Variants in SRGAP3 observed in about 807,000 individuals in gnomAD.
SRGAP3 encodes SLIT-ROBO Rho GTPase-activating protein 3.
SRGAP3 carries 39 observed loss-of-function variants against 121.1 expected under a neutral mutation model. The ratio of observed to expected loss-of-function variants is 0.32; its 90% CI spans 0.25 to 0.42. The LOEUF is 0.42. Among genes scored for constraint, SRGAP3 ranks in the 10% least tolerant of loss-of-function variants. SRGAP3 has a pLI of 1.00. For synonymous variants in SRGAP3, 601 were observed against 570.0 expected, an observed-to-expected ratio of 1.05 and a Z score of -0.77; for missense variants, 1,213 against 1,470.6, an observed-to-expected ratio of 0.82 and a Z score of 2.86.
chr3:9,360,679 A>G (rs1018451146), intron 1 of SRGAP3, among the ~76,000 whole-genome samples: 1 of 152,226 alleles, frequency 6.6e-6, no homozygotes, highest in Non-Finnish European at 1.5e-5. Flanking sequence ...GAATGGGAGA[A>G]GCGGAAGTGG....
chr3:9,134,527 C>T (rs547957356), intron 1 of SRGAP3, among the ~76,000 whole-genome samples: 8 of 152,220 alleles, frequency 5.3e-5, no homozygotes, highest in South Asian at 2.1e-4. Context: ...TCCTCTTCTA[C>T]GGATGAAGCA....
intron 1 of SRGAP3, among the ~76,000 whole-genome samples, chr3:9,234,688 C>A (rs1953341244): frequency 6.6e-6 from 1 of 152,176 alleles, no homozygotes; most frequent in Non-Finnish European, 1.5e-5. Flanking sequence ...AAAATGCTCT[C>A]ACCAGCAATC....
rs542417489 is a variant in SRGAP3 at position 9,072,960 on chromosome 3, C to T, written c.486+7065G>A. 1.4e-4 allele frequency among the ~76,000 whole-genome samples: 21 copies of T among 152,302 alleles called. 1 individual carries two copies. The South Asian group carries it at 2.1e-3, about 15-fold the overall frequency. ...ACATCAGGAGGAAAAAACAGTCGTG[C>T]CCACACATCTTCAAAGCTTCTCGCC... is the stretch of plus-strand genomic sequence containing the variant. On this transcript the variant is annotated intron_variant, in intron 4 of 21. Coordinates refer to ENST00000383836, the MANE Select transcript of SRGAP3 (RefSeq NM_014850.4).
At chr3:9,307,122 G>T (rs940860538) in intron 3 of SRGAP3, among the ~76,000 whole-genome samples, 5 of 152,164 alleles carry the variant, frequency 3.3e-5, no homozygotes, top group African/African-American at 4.8e-5. Flanking sequence ...AGAGGCACGT[G>T]CCATCACGCC....
At chr3:8,997,680 C>T (rs1384763848) in intron 18 of SRGAP3, among the ~76,000 whole-genome samples, 4 of 152,140 alleles carry the variant, frequency 2.6e-5, no homozygotes, top group Non-Finnish European at 5.9e-5. Context: ...ATTTTTTAAA[C>T]ACAAAGTAAA....
At chr3:9,176,024 C>T (rs1044835794) in intron 1 of SRGAP3, among the ~76,000 whole-genome samples, 7 of 152,168 alleles carry the variant, frequency 4.6e-5, no homozygotes, top group Non-Finnish European at 1.0e-4. Flanking sequence ...TGGGTTCAAG[C>T]GATTCTCCCA....
intron 3 of SRGAP3, among the ~76,000 whole-genome samples, chr3:9,102,645 C>T (rs1948263610): frequency 6.6e-6 from 1 of 152,244 alleles, no homozygotes; most frequent in South Asian, 2.1e-4. Context: ...GTCCGCGCCT[C>T]TCTCCAAAGC....
intron 2 of SRGAP3, among the ~76,000 whole-genome samples, chr3:9,108,770 G>A (rs1317615420): frequency 6.6e-6 from 1 of 152,178 alleles, no homozygotes; most frequent in Non-Finnish European, 1.5e-5. Flanking sequence ...TGGATGAGCA[G>A]GGATATGGGG....
chr3:9,257,133 T>C (rs1467156246), intron 3 of SRGAP3: 1 of 329,482 alleles, frequency 3.0e-6, no homozygotes, highest in African/African-American at 2.1e-5. Flanking sequence ...CACAAAATAA[T>C]TTACACCTTA....
At chr3:9,137,782 G>A (rs978778428) in intron 1 of SRGAP3, among the ~76,000 whole-genome samples, 4 of 152,144 alleles carry the variant, frequency 2.6e-5, no homozygotes, top group African/African-American at 9.6e-5. Context: ...CATCTGTGCT[G>A]TGTCCAAATA....
At chr3:9,242,528 G>A (rs562405471) in intron 1 of SRGAP3, among the ~76,000 whole-genome samples, 11 of 152,080 alleles carry the variant, frequency 7.2e-5, no homozygotes, top group South Asian at 2.1e-4. Flanking sequence ...CCAGCTACTC[G>A]GTAGGCTGAG....
chr3:9,135,753 G>A (rs1176127324), intron 1 of SRGAP3, among the ~76,000 whole-genome samples: 1 of 152,246 alleles, frequency 6.6e-6, no homozygotes, highest in African/African-American at 2.4e-5. Context: ...TCTATACAGA[G>A]GTGGCATGGC....
intron 1 of SRGAP3, among the ~76,000 whole-genome samples, chr3:9,165,937 A>G (rs1320393077): frequency 6.6e-6 from 1 of 152,184 alleles, no homozygotes; most frequent in African/African-American, 2.4e-5. Flanking sequence ...ATATGTGATT[A>G]TCTGATTAAT....
intron 3 of SRGAP3, among the ~76,000 whole-genome samples, chr3:9,286,594 TTTGTCGTTGTTGTTG>T (rs1559260374): frequency 6.6e-6 from 1 of 152,178 alleles, no homozygotes; most frequent in African/African-American, 2.4e-5. Context: ...TTATTTTGTT[TTTGTCGTTGTTGTTG>T]TTGTTGTTTT....
At chr3:9,050,477 G>A (rs1001858525) in intron 9 of SRGAP3, among the ~76,000 whole-genome samples, 8 of 152,180 alleles carry the variant, frequency 5.3e-5, no homozygotes, top group Admixed American at 1.3e-4. Flanking sequence ...ACGAATGTCC[G>A]CAAAATAAAG....
At chr3:9,321,671 T>C (rs1955440559) in intron 3 of SRGAP3, among the ~76,000 whole-genome samples, 1 of 151,868 alleles carries the variant, frequency 6.6e-6, no homozygotes, top group Admixed American at 6.5e-5. Context: ...ATCATGTCTT[T>C]TACGGGAACA....
chr3:9,104,085 C>T (rs1286046728), intron 3 of SRGAP3, among the ~76,000 whole-genome samples: 1 of 152,060 alleles, frequency 6.6e-6, no homozygotes, highest in Non-Finnish European at 1.5e-5. Flanking sequence ...AAATAGAGTA[C>T]ATCTATATAA....
At chr3:9,044,619 A>C (rs1391625895) in intron 10 of SRGAP3, among the ~76,000 whole-genome samples, 1 of 152,258 alleles carries the variant, frequency 6.6e-6, no homozygotes, top group Non-Finnish European at 1.5e-5. Context: ...TGTACTTTAC[A>C]GAAACTGAGG....
intron 1 of SRGAP3, among the ~76,000 whole-genome samples, chr3:9,199,538 G>A (rs1418018313): frequency 6.6e-6 from 1 of 152,074 alleles, no homozygotes; most frequent in Non-Finnish European, 1.5e-5. Flanking sequence ...ACCTCCAGAG[G>A]CCTCATTTCT....
Sources: allele counts gnomAD v4.1 joint callset (sites outside exome capture counted in the v4.1 genomes callset), GRCh38; gene constraint gnomAD v4.1.1; transcripts MANE v1.5; gene names NCBI Gene and HGNC (gene_info 2026-07-23, HGNC 2026-07-21).